The following CAPN13 variants were observed in gnomAD, a reference collection of about 807,000 sequenced individuals.
The protein encoded by CAPN13 is calpain 13.
A neutral mutation model predicts 98.4 loss-of-function variants in CAPN13; 90 were observed. The ratio of observed to expected loss-of-function variants is 0.92; its 90% CI spans 0.77 to 1.09. CAPN13 has a LOEUF of 1.09. Ranked by LOEUF, CAPN13 falls within the 50% of genes least tolerant of loss-of-function variation. The pLI is 0.00. For missense variants in CAPN13, 887 were observed against 841.3 expected, an observed-to-expected ratio of 1.05 and a Z score of -0.67; for synonymous variants, 330 against 305.5, an observed-to-expected ratio of 1.08 and a Z score of -0.84.
chr2:30,757,656 C>A (rs1054477082), intron 8 of CAPN13, among the ~76,000 whole-genome samples: 25 of 152,192 alleles, frequency 1.6e-4, no homozygotes, highest in Non-Finnish European at 1.5e-5. Flanking sequence ...GATGCAGTTC[C>A]TTCTCTCCAT....
chr2:30,804,147 G>GGCTCTGGT (rs1302402986), intron 1 of CAPN13, among the ~76,000 whole-genome samples: 1 of 152,230 alleles, frequency 6.6e-6, no homozygotes, highest in African/African-American at 2.4e-5. Flanking sequence ...CAGTATGGGA[G>GGCTCTGGT]GCTCTGGTGC....
chr2:30,784,216 A>C (rs1446386773), intron 2 of CAPN13, among the ~76,000 whole-genome samples: 2 of 151,958 alleles, frequency 1.3e-5, no homozygotes, highest in Non-Finnish European at 2.9e-5. Flanking sequence ...ATGAGAAGAA[A>C]GGCATTTTCT....
rs1374528953 is a variant in CAPN13, at chr2:30,723,839, G to A, written c.*31-603C>T. On this transcript the variant is annotated intron_variant, in intron 22 of 22. Coordinates refer to ENST00000295055, the MANE Select transcript of CAPN13 (RefSeq NM_144575.3). Reference sequence around the variant, plus strand: ...ACCTCTCTTGTCTCTCAGACTACTTGCTAGTTTGCCTATTTTTTTTTCCAT... The same window carrying A: ...ACCTCTCTTGTCTCTCAGACTACTTACTAGTTTGCCTATTTTTTTTTCCAT... Among the ~76,000 whole-genome samples the A allele has an allele frequency of 2.6e-5, 4 of 151,974 alleles. No homozygotes were observed. The East Asian group carries it at 5.9e-4, about 22-fold the overall frequency.
Position 30,738,425 on chromosome 2 carries a change from G to C in CAPN13, c.1569C>G (p.Gly523=), listed in dbSNP as rs1297355047. Residue 523 remains glycine, a synonymous_variant, in exon 16 of 23, where the codon GGC becomes GGG. Transcript: ENST00000295055. ...RLDIDATQLQ[G]LLNQELLTGP... is the part of the protein sequence containing the mutation. ...CTGTTAGAAGCTCCTGGTTGAGAAG[G>C]CCCTGAAGCTGGGTGGCATCAATGT... is the stretch of plus-strand genomic sequence containing the variant. 6.2e-7 allele frequency: 1 copy of C among 1,607,568 alleles called. No homozygotes were observed. The highest frequency in any genetic ancestry group is 2.2e-5 in the East Asian group (1 of 44,734).
At chr2:30,802,764 G>C (rs78442777) in intron 1 of CAPN13, among the ~76,000 whole-genome samples, 252 of 152,274 alleles carry the variant, frequency 1.7e-3, no homozygotes, top group African/African-American at 5.9e-3. Context: ...CCTGGGGCAG[G>C]GGGTACAGGC....
rs781678089 is a variant in CAPN13, at chr2:30,751,243, G to A, written c.1096C>T (p.Arg366Trp). 30 of 1,613,652 alleles carry A rather than the reference G, an allele frequency of 1.9e-5. No individual in the cohort carries two copies. Among genetic ancestry groups the A allele is most frequent in the African/African-American group, 1.5e-4 (11 of 74,892 alleles). ...GAGAAGTTGAATTGAGCATCATTCC[G>A]AGGTCCTCCTGCATCAGAAAGAGCT... is the stretch of plus-strand genomic sequence containing the variant. ...VILGNTAGGP[R>W]NDAQFNFSVQ... The change falls in exon 11 of 23, where the codon CGG becomes TGG. Residue 366 changes from arginine (R) to tryptophan (W), a missense_variant. Arg to Trp is a moderately radical substitution (Grantham distance 101). Coordinates refer to ENST00000295055, the MANE Select transcript of CAPN13 (RefSeq NM_144575.3).
intron 18 of CAPN13, among the ~76,000 whole-genome samples, chr2:30,736,166 C>T (rs1020989393): frequency 8.2e-6 from 1 of 121,746 alleles, no homozygotes; most frequent in Non-Finnish European, 1.6e-5. Flanking sequence ...GATCCTCTGG[C>T]AGGTGGATTG....
chr2:30,743,653 C>A, intron 12 of CAPN13, 74 bp from the exon 13 acceptor site: 1 of 1,312,010 alleles, frequency 7.6e-7, no homozygotes, highest in Non-Finnish European at 1.1e-6. Flanking sequence ...AAGAAAGACC[C>A]ACCACCTTCT....
rs1367875383 is a variant in CAPN13 at position 30,787,127 on chromosome 2, C to T, written c.198+1G>A. ...GGTATGCTCGTGTGGGGCTCACTCA[C>T]CTGTGGCCGCTTCCATATCACATTG... On this transcript the variant is annotated splice_donor_variant, in intron 2 of 22. Transcript: ENST00000295055. LOFTEE classifies it high-confidence loss of function. The T allele has an allele frequency of 2.0e-5, 31 of 1,555,850 alleles. No individual in the cohort carries two copies. The highest frequency in any genetic ancestry group is 2.7e-5 in the Non-Finnish European group (31 of 1,150,398).
intron 11 of CAPN13, among the ~76,000 whole-genome samples, chr2:30,749,902 T>C (rs1672089552): frequency 6.6e-6 from 1 of 152,198 alleles, no homozygotes; most frequent in African/African-American, 2.4e-5. Context: ...TTTGTAGCTT[T>C]TTTCTTTTAA....
chr2:30,796,175 T>TATATATATAC (rs571651816), intron 1 of CAPN13, among the ~76,000 whole-genome samples: 1,581 of 145,606 alleles, frequency 0.011, 42 homozygotes, highest in African/African-American at 0.039. Flanking sequence ...TATGTGTGTA[T>TATATATATAC]ATATATATAC....
chr2:30,727,966 T>C (rs1272780889), intron 22 of CAPN13, among the ~76,000 whole-genome samples: 3 of 151,922 alleles, frequency 2.0e-5, no homozygotes, highest in African/African-American at 7.3e-5. Context: ...AAATATTATA[T>C]GGCACTTAAA....
chr2:30,746,626 C>A, intron 11 of CAPN13: 1 of 209,664 alleles, frequency 4.8e-6, no homozygotes, highest in South Asian at 7.9e-5. Context: ...TGCTGGGTGT[C>A]AAGATTTCCT....
chr2:30,783,900 G>T (rs1424208971), intron 2 of CAPN13, among the ~76,000 whole-genome samples: 1 of 152,096 alleles, frequency 6.6e-6, no homozygotes, highest in Non-Finnish European at 1.5e-5. Context: ...AGAACATGAG[G>T]CTGGGTGTGG....
Position 30,787,008 on chromosome 2 carries a change from C to G in CAPN13, c.198+120G>C, listed in dbSNP as rs544928585. Reference sequence around the variant, plus strand: ...TAGCTACAACACTGTAGCAGAGATACCTGGTGAATTTCATTCTCCTTCCAG... The same window carrying G: ...TAGCTACAACACTGTAGCAGAGATAGCTGGTGAATTTCATTCTCCTTCCAG... On this transcript the variant is annotated intron_variant, in intron 2 of 22. Transcript: ENST00000295055. 689 of 731,644 alleles carry G rather than the reference C, an allele frequency of 9.4e-4. 12 individuals carry two copies. In the South Asian group the frequency reaches 0.013, roughly 13 times the overall value. The allele number at this position is 731,644 out of a possible 1,614,324, so 45.3% of individuals were successfully genotyped here.
At chr2:30,785,249 C>T (rs568993219) in intron 2 of CAPN13, among the ~76,000 whole-genome samples, 2 of 152,186 alleles carry the variant, frequency 1.3e-5, no homozygotes, top group African/African-American at 4.8e-5. Context: ...TGGATCCTTC[C>T]CTCTCTAATC....
At chr2:30,755,242 G>A (rs1244052330) in intron 8 of CAPN13, among the ~76,000 whole-genome samples, 1 of 151,838 alleles carries the variant, frequency 6.6e-6, no homozygotes. Flanking sequence ...TTGCCTCTGG[G>A]AAGCCTTGCT....
At chr2:30,764,104 G>C in intron 6 of CAPN13, 28 bp downstream of exon 6, 1 of 1,546,678 alleles carries the variant, frequency 6.5e-7, no homozygotes. Flanking sequence ...AGCTTGAACT[G>C]GTGCAAAAGG....
At chr2:30,732,288 A>G (rs2609911) in intron 20 of CAPN13, 150 bp downstream of exon 20, 388,935 of 873,974 alleles carry the variant, frequency 0.45, 89,330 homozygotes, top group East Asian at 0.63. Flanking sequence ...CACACCATCT[A>G]CAGCCTCGGT....
Sources: gnomAD v4.1 joint callset for allele counts (sites outside exome capture counted in the v4.1 genomes callset) on GRCh38, gnomAD v4.1.1 for gene constraint, MANE v1.5 for transcripts, NCBI Gene and HGNC (gene_info 2026-07-23, HGNC 2026-07-21) for gene names.